Variants in LRP1B observed in about 807,000 individuals in gnomAD.
The protein encoded by LRP1B is LDL receptor related protein 1B.
Under a neutral mutation model 556.6 loss-of-function variants are expected in LRP1B, and 217 were observed. The observed-to-expected ratio is 0.39, with a 90% confidence interval of 0.35 to 0.44. The LOEUF (loss-of-function observed/expected upper bound fraction) is 0.44. Ranked by LOEUF, LRP1B falls within the 20% of genes least tolerant of loss-of-function variation. The pLI is 1.00. For synonymous variants in LRP1B, 2,047 were observed against 1,865.8 expected (o/e 1.10, Z -2.50); for missense variants, 5,053 against 5,620.8 (o/e 0.90, Z 3.23).
rs112022397 is a variant in LRP1B, at chr2:141,376,129, C to T, written c.343+104267G>A. Among the ~76,000 whole-genome samples, 5 of 152,262 alleles carry T rather than the reference C, an allele frequency of 3.3e-5. 1 individual carries two copies. The highest frequency in any genetic ancestry group is 7.2e-5 in the African/African-American group (3 of 41,548). On this transcript the variant is annotated intron_variant, in intron 3 of 90. Transcript: ENST00000389484. ...CAGCAGCCGCCATGTCTGTAGATCC[C>T]TGGTATCTAGGCTTTCAAAATAGCA...
intron 1 of LRP1B, among the ~76,000 whole-genome samples, chr2:141,994,978 CAG>C (rs1478643857): frequency 6.6e-6 from 1 of 152,046 alleles, no homozygotes; most frequent in Non-Finnish European, 1.5e-5. Flanking sequence ...CCCCTTGTGT[CAG>C]AGTCACATAT....
Position 141,965,690 on chromosome 2 carries a change from TACATATGTAACTAACCTGC to T in LRP1B, c.83-155308_83-155290del, listed in dbSNP as rs1172187501. Among the ~76,000 whole-genome samples, 36 of 140,012 alleles carry T rather than the reference TACATATGTAACTAACCTGC, an allele frequency of 2.6e-4. No homozygotes were observed. In the South Asian group the frequency reaches 8.3e-3, roughly 32 times the overall value. The allele number at this position is 140,012 out of a possible 152,430, so 91.9% of individuals were successfully genotyped here. ...GCAGCGCACCAGCATGGCACATGTA[TACATATGTAACTAACCTGC>T]ACAATGTGCACATGTACCCTAAAAC... On this transcript the variant is annotated intron_variant, in intron 1 of 90. Coordinates refer to ENST00000389484, the MANE Select transcript of LRP1B (RefSeq NM_018557.3).
At position 141,506,608 on chromosome 2, in the gene LRP1B, C is replaced by A. The variant is rs575942839; in HGVS notation, c.206-26075G>T. ...TGACAGGCTGTATAGGATGTGGGCA[C>A]CTAGCTTCAATCTAGCCAGACAATT... On this transcript the variant is annotated intron_variant, in intron 2 of 90. Coordinates refer to ENST00000389484, the MANE Select transcript of LRP1B (RefSeq NM_018557.3). Among the ~76,000 whole-genome samples the A allele has an allele frequency of 2.6e-5, 4 of 152,090 alleles. No homozygotes were observed. In the South Asian group the frequency reaches 6.2e-4, roughly 24 times the overall value.
chr2:141,464,658 T>C (rs1403998113), intron 3 of LRP1B, among the ~76,000 whole-genome samples: 1 of 147,354 alleles, frequency 6.8e-6, no homozygotes. Flanking sequence ...GGTCTCTATC[T>C]CCTGACCTAG....
chr2:141,469,768 G>GTTAA (rs1682390125), intron 3 of LRP1B, among the ~76,000 whole-genome samples: 1 of 152,150 alleles, frequency 6.6e-6, no homozygotes, highest in Non-Finnish European at 1.5e-5. Context: ...AATATTTATG[G>GTTAA]TTAATTCTCA....
chr2:140,382,205 A>G (rs1683539305), intron 67 of LRP1B, among the ~76,000 whole-genome samples: 1 of 152,208 alleles, frequency 6.6e-6, no homozygotes, highest in Non-Finnish European at 1.5e-5. Context: ...TACTCTATAC[A>G]AATAATCTTC....
At chr2:140,286,629 T>A (rs991970500) in intron 84 of LRP1B, among the ~76,000 whole-genome samples, 47 of 151,894 alleles carry the variant, frequency 3.1e-4, no homozygotes, top group Non-Finnish European at 5.4e-4. Flanking sequence ...AAAACTATTT[T>A]CGTCAGTGTT....
At chr2:141,135,090 C>T (rs950780265) in intron 7 of LRP1B, among the ~76,000 whole-genome samples, 9 of 151,364 alleles carry the variant, frequency 5.9e-5, no homozygotes, top group Admixed American at 2.0e-4. Flanking sequence ...AAAGTGTGTG[C>T]CTGTGTGAGT....
chr2:140,618,657 T>C (rs1334799313), intron 41 of LRP1B, among the ~76,000 whole-genome samples: 1 of 152,104 alleles, frequency 6.6e-6, no homozygotes, highest in East Asian at 1.9e-4. Context: ...CAGAAGAACT[T>C]AGGACATACA....
At chr2:140,612,577 G>A (rs1683107427) in intron 41 of LRP1B, among the ~76,000 whole-genome samples, 2 of 152,012 alleles carry the variant, frequency 1.3e-5, no homozygotes, top group African/African-American at 2.4e-5. Context: ...AGCTTGGTAT[G>A]CATCCTCTCT....
chr2:140,663,199 C>T (rs1685157782), intron 41 of LRP1B, among the ~76,000 whole-genome samples: 1 of 152,008 alleles, frequency 6.6e-6, no homozygotes, highest in Non-Finnish European at 1.5e-5. Flanking sequence ...AAAATGTCCC[C>T]CAAAATTCCT....
intron 3 of LRP1B, among the ~76,000 whole-genome samples, chr2:141,415,874 T>G (rs1237367489): frequency 6.6e-6 from 1 of 152,256 alleles, no homozygotes; most frequent in Non-Finnish European, 1.5e-5. Flanking sequence ...ATTAACATCT[T>G]AGAAATCTGT....
intron 7 of LRP1B, among the ~76,000 whole-genome samples, chr2:141,125,315 T>A (rs1701174582): frequency 6.6e-6 from 1 of 152,220 alleles, no homozygotes; most frequent in Non-Finnish European, 1.5e-5. Flanking sequence ...CCATGGCTCA[T>A]TTCTTCTTTC....
chr2:141,520,945 C>CT (rs199827715), intron 2 of LRP1B, among the ~76,000 whole-genome samples: 2,232 of 152,012 alleles, frequency 0.015, 60 homozygotes, highest in African/African-American at 0.05. Context: ...TTTCTCCTTA[C>CT]TTTTTTTGGT....
chr2:141,067,117 A>G (rs1362718284), intron 7 of LRP1B, among the ~76,000 whole-genome samples: 1 of 151,946 alleles, frequency 6.6e-6, no homozygotes, highest in African/African-American at 2.4e-5. Context: ...CTCATTTTTT[A>G]TGCCATTGTA....
At chr2:141,797,911 G>T (rs10201989) in intron 2 of LRP1B, among the ~76,000 whole-genome samples, 84,721 of 151,664 alleles carry the variant, frequency 0.56, 24,816 homozygotes, top group African/African-American at 0.74. Context: ...CAAGAGAAAC[G>T]GGAAAATATT....
intron 1 of LRP1B, among the ~76,000 whole-genome samples, chr2:142,113,406 A>T (rs957118680): frequency 2.0e-5 from 3 of 152,052 alleles, no homozygotes; most frequent in African/African-American, 7.2e-5. Flanking sequence ...GCAATACCTC[A>T]TTAAAACTGG....
At chr2:142,030,111 T>A (rs1703635940) in intron 1 of LRP1B, among the ~76,000 whole-genome samples, 1 of 151,820 alleles carries the variant, frequency 6.6e-6, no homozygotes, top group African/African-American at 2.4e-5. Context: ...TATATGGTGA[T>A]CATATATGCG....
chr2:141,784,095 T>C (rs1368638118), intron 2 of LRP1B, among the ~76,000 whole-genome samples: 1 of 151,966 alleles, frequency 6.6e-6, no homozygotes, highest in Non-Finnish European at 1.5e-5. Flanking sequence ...AAAGTGATTA[T>C]GTGTGGTTTT....
Sources: allele counts gnomAD v4.1 joint callset (sites outside exome capture counted in the v4.1 genomes callset), GRCh38; gene constraint gnomAD v4.1.1; transcripts MANE v1.5; gene names NCBI Gene and HGNC (gene_info 2026-07-23, HGNC 2026-07-21).